TANC2: variants seen among roughly 807,000 people sequenced by gnomAD.
TANC2 encodes the protein tetratricopeptide repeat, ankyrin repeat and coiled-coil containing 2.
Under a neutral mutation model 210.5 loss-of-function variants are expected in TANC2, and 26 were observed. That is an observed-to-expected ratio of 0.12 (90% CI 0.09 to 0.17). TANC2 has a LOEUF of 0.17. Ranked by LOEUF, TANC2 falls within the 10% of genes least tolerant of loss-of-function variation. TANC2 has a pLI of 1.00. For synonymous variants in TANC2, 931 were observed against 967.1 expected (o/e 0.96, Z 0.69); for missense variants, 2,129 against 2,608.9 (o/e 0.82, Z 4.01).
At chr17:63,007,455 T>G (rs2143798559) in intron 1 of TANC2, among the ~76,000 whole-genome samples, 1 of 152,314 alleles carries the variant, frequency 6.6e-6, no homozygotes, top group South Asian at 2.1e-4. Context: ...AACATAGTAA[T>G]GGATATAATT....
chr17:63,177,657 T>C (rs2040635686), intron 5 of TANC2, among the ~76,000 whole-genome samples: 1 of 152,200 alleles, frequency 6.6e-6, no homozygotes, highest in African/African-American at 2.4e-5. Flanking sequence ...GAAATGGCTC[T>C]GATTCGTGCT....
intron 7 of TANC2, among the ~76,000 whole-genome samples, chr17:63,211,673 G>A (rs1433401344): frequency 3.3e-5 from 5 of 151,994 alleles, no homozygotes; most frequent in Non-Finnish European, 5.9e-5. Flanking sequence ...ATGGTATTAT[G>A]CATAGTTTTT....
chr17:63,151,257 T>G lies in TANC2; in HGVS notation c.323-13T>G. 1 of 981,934 alleles carries G rather than the reference T, an allele frequency of 1.0e-6. No homozygotes were observed. The highest frequency in any genetic ancestry group is 1.2e-6 in the Non-Finnish European group (1 of 826,394). 60.8% of individuals were successfully genotyped at this position (981,934 alleles called of 1,614,324 possible). The stretch of plus-strand genomic sequence containing the variant: ...CTGTCTCTTGCTTGCTCTCTCTCTC[T>G]TTTTGTTCTTAGCCCCTCTGAGGAA... On this transcript the variant is annotated splice_polypyrimidine_tract_variant and intron_variant, in intron 4 of 27. Coordinates refer to ENST00000689528, the Ensembl canonical transcript of TANC2.
chr17:63,065,587 A>G (rs1490509295), intron 2 of TANC2, among the ~76,000 whole-genome samples: 2 of 152,100 alleles, frequency 1.3e-5, no homozygotes, highest in African/African-American at 4.8e-5. Flanking sequence ...CTTTTGTCTT[A>G]TTAATTATGT....
chr17:63,043,038 T>C (rs955018421), intron 2 of TANC2, among the ~76,000 whole-genome samples: 1 of 152,124 alleles, frequency 6.6e-6, no homozygotes, highest in Admixed American at 6.6e-5. Context: ...AAAAGACTTT[T>C]CTTTGTATAA....
chr17:63,185,368 C>T (rs577886126), intron 5 of TANC2, among the ~76,000 whole-genome samples: 49 of 152,320 alleles, frequency 3.2e-4, no homozygotes, highest in Non-Finnish European at 6.3e-4. Context: ...GCTGGAATTA[C>T]AGGCGTGAGC....
At chr17:63,196,682 T>C (rs989923763) in intron 6 of TANC2, among the ~76,000 whole-genome samples, 3 of 152,230 alleles carry the variant, frequency 2.0e-5, no homozygotes, top group African/African-American at 7.2e-5. Flanking sequence ...TAGTTCCAAC[T>C]CTGCCACCTA....
intron 8 of TANC2, among the ~76,000 whole-genome samples, chr17:63,264,196 C>A (rs2043453701): frequency 6.6e-6 from 1 of 152,214 alleles, no homozygotes. Flanking sequence ...TGTATCACAT[C>A]TACTAATATA....
intron 14 of TANC2, among the ~76,000 whole-genome samples, chr17:63,361,274 C>T (rs1018156743): frequency 6.6e-6 from 1 of 152,188 alleles, no homozygotes. Context: ...TGCTCACACC[C>T]TTTGGGATCG....
chr17:63,238,718 T>G (rs1025402216), intron 8 of TANC2, among the ~76,000 whole-genome samples: 1 of 152,130 alleles, frequency 6.6e-6, no homozygotes, highest in Non-Finnish European at 1.5e-5. Flanking sequence ...GACTGGATAA[T>G]TTATAAACAA....
intron 14 of TANC2, among the ~76,000 whole-genome samples, chr17:63,358,374 A>AGTGTGTGT (rs1292661752): frequency 1.9e-4 from 18 of 94,770 alleles, no homozygotes; most frequent in African/African-American, 7.3e-4. Flanking sequence ...AGAGAGAGAG[A>AGTGTGTGT]GAGTATGTGT....
intron 1 of TANC2, chr17:63,004,813 C>T (rs2033542377): frequency 3.0e-6 from 1 of 334,900 alleles, no homozygotes; most frequent in Admixed American, 3.5e-5. Context: ...ACCTTCTTTC[C>T]TTTCTTTACC....
chr17:63,171,634 T>G lies in TANC2; in HGVS notation c.433+20254T>G, dbSNP rs533097646. On this transcript the variant is annotated intron_variant, in intron 5 of 27. Coordinates refer to ENST00000689528, the Ensembl canonical transcript of TANC2. ...AAATACAGTCTAGATTTCTGTTTCT[T>G]GGCTCTGTTGCAAACCAATTTTGAA... 1.3e-3 allele frequency among the ~76,000 whole-genome samples: 199 copies of G among 152,360 alleles called. 1 individual carries two copies. Among genetic ancestry groups the G allele is most frequent in the Middle Eastern group, 3.4e-3 (1 of 294 alleles).
At chr17:63,276,510 T>A (rs1013938172) in intron 9 of TANC2, among the ~76,000 whole-genome samples, 2 of 150,418 alleles carry the variant, frequency 1.3e-5, no homozygotes, top group South Asian at 2.1e-4. Context: ...TTTTTTTTTT[T>A]AACTGTTCTC....
intron 14 of TANC2, among the ~76,000 whole-genome samples, chr17:63,372,453 C>T (rs2047297677): frequency 6.6e-6 from 1 of 152,220 alleles, no homozygotes; most frequent in African/African-American, 2.4e-5. Flanking sequence ...TCCATTTGAA[C>T]ACACAATCAT....
At chr17:63,057,024 C>G (rs567392843) in intron 2 of TANC2, among the ~76,000 whole-genome samples, 1 of 151,708 alleles carries the variant, frequency 6.6e-6, no homozygotes, top group Non-Finnish European at 1.5e-5. Context: ...TCACTGTGCT[C>G]ACTATGTTGC....
chr17:63,318,252 C>T (rs1387832163), intron 10 of TANC2, among the ~76,000 whole-genome samples: 2 of 152,036 alleles, frequency 1.3e-5, no homozygotes, highest in African/African-American at 4.8e-5. Context: ...TAAATATAGC[C>T]TATAATTTCT....
At chr17:63,404,329 A>G (rs2048433667) in intron 19 of TANC2, among the ~76,000 whole-genome samples, 1 of 152,198 alleles carries the variant, frequency 6.6e-6, no homozygotes, top group Non-Finnish European at 1.5e-5. Flanking sequence ...TCTGAGGACA[A>G]AATAGGCGTT....
chr17:63,383,307 T>C (rs1325428607), intron 15 of TANC2, among the ~76,000 whole-genome samples: 1 of 152,216 alleles, frequency 6.6e-6, no homozygotes, highest in African/African-American at 2.4e-5. Flanking sequence ...CACCATTAAG[T>C]ATCTCAGCAT....
Sources: allele counts gnomAD v4.1 joint callset (sites outside exome capture counted in the v4.1 genomes callset), GRCh38; gene constraint gnomAD v4.1.1; transcripts MANE v1.5; gene names NCBI Gene and HGNC (gene_info 2026-07-23, HGNC 2026-07-21).